The following KIF3C variants were observed in gnomAD, a reference collection of about 807,000 sequenced individuals.
KIF3C encodes kinesin family member 3C.
Under a neutral mutation model 67.7 loss-of-function variants are expected in KIF3C, and 12 were observed. The observed-to-expected ratio is 0.18, with a 90% confidence interval of 0.11 to 0.29. The LOEUF (loss-of-function observed/expected upper bound fraction) is 0.29, where lower values mean the gene tolerates loss of function less well. Ranked by LOEUF, KIF3C falls within the 10% of genes least tolerant of loss-of-function variation. KIF3C has a pLI of 1.00. For synonymous variants in KIF3C, 393 were observed against 426.2 expected (o/e 0.92, Z 0.96); for missense variants, 789 against 1,059.6 (o/e 0.74, Z 3.55).
In KIF3C at chr2:25,928,888, C is replaced by T. The variant is rs1428916802; in HGVS notation, c.*90G>A. On this transcript the variant is annotated 3_prime_UTR_variant, in exon 8 of 8. Transcript: ENST00000264712. Reference sequence around the variant, plus strand: ...ACACGCACACGCACATGCACGCACACGCACACGCACCAAGCGGCAGATGAG... The same window carrying T: ...ACACGCACACGCACATGCACGCACATGCACACGCACCAAGCGGCAGATGAG... 1.9e-5 allele frequency: 20 copies of T among 1,067,994 alleles called. No individual in the cohort carries two copies. The highest frequency in any genetic ancestry group is 5.8e-5 in the Admixed American group (3 of 51,480). 66.2% of individuals were successfully genotyped at this position (1,067,994 alleles called of 1,614,324 possible).
At chr2:25,949,420 CA>C (rs200179980) in intron 5 of KIF3C, among the ~76,000 whole-genome samples, 4 of 148,402 alleles carry the variant, frequency 2.7e-5, no homozygotes, top group East Asian at 2.0e-4. Flanking sequence ...CAAAAAATAC[CA>C]AAAAAAAAGA....
At chr2:25,931,015 G>A (rs2090454646) in intron 5 of KIF3C, among the ~76,000 whole-genome samples, 1 of 151,950 alleles carries the variant, frequency 6.6e-6, no homozygotes, top group Non-Finnish European at 1.5e-5. Flanking sequence ...TAATTGTTTT[G>A]TCTTATACAT....
At chr2:25,933,446 G>A (rs1014259207) in intron 5 of KIF3C, among the ~76,000 whole-genome samples, 1 of 152,014 alleles carries the variant, frequency 6.6e-6, no homozygotes, top group Admixed American at 6.6e-5. Context: ...TGAGGCATGT[G>A]GATCCCTTGA....
At chr2:25,951,982 T>G in intron 4 of KIF3C, 77 bp from the exon 5 acceptor site, 2 of 1,019,718 alleles carry the variant, frequency 2.0e-6, no homozygotes, top group Non-Finnish European at 3.1e-6. Flanking sequence ...GTTGAAGGAT[T>G]AGAAGCAACA....
At chr2:25,930,404 G>A (rs900441645) in intron 5 of KIF3C, among the ~76,000 whole-genome samples, 4 of 152,152 alleles carry the variant, frequency 2.6e-5, no homozygotes, top group African/African-American at 2.4e-5. Flanking sequence ...TGTCACCCAC[G>A]CTGCAGTGCA....
chr2:25,970,436 G>T (rs1664248778), intron 1 of KIF3C, among the ~76,000 whole-genome samples: 1 of 152,070 alleles, frequency 6.6e-6, no homozygotes, highest in African/African-American at 2.4e-5. Context: ...GGGAGGCCGA[G>T]GCAGGCGGAT....
chr2:25,945,253 T>C (rs949112177), intron 5 of KIF3C, among the ~76,000 whole-genome samples: 4 of 152,164 alleles, frequency 2.6e-5, no homozygotes, highest in Admixed American at 6.5e-5. Context: ...ATGGGCATAA[T>C]GAGTGTGTGT....
At chr2:25,963,543 G>A (rs928785239) in intron 1 of KIF3C, among the ~76,000 whole-genome samples, 5 of 151,380 alleles carry the variant, frequency 3.3e-5, no homozygotes, top group Non-Finnish European at 7.4e-5. Context: ...TTCAGAAGAG[G>A]ACAAAGGGTT....
rs750073570 is a variant in KIF3C at position 25,981,363 on chromosome 2, G to A, written c.555C>T (p.Thr185=). The stretch of plus-strand genomic sequence containing the variant: ...CATGCTCAATCTCCTTGACATTCTT[G>A]GTGACGAAGGAGGAGAGGTCCTTGA... The part of the protein sequence containing the change: ...VYIKDLSSFV[T]KNVKEIEHVM... The change falls in exon 1 of 8, where the codon ACC becomes ACT. Residue 185 remains threonine, a synonymous_variant. Transcript: ENST00000264712. The surrounding 1 kb of genome is among the most constrained non-coding windows in gnomAD (Gnocchi z 8.2). The A allele has an allele frequency of 2.5e-6, 4 of 1,614,180 alleles. No individual in the cohort carries two copies. Among genetic ancestry groups the A allele is most frequent in the East Asian group, 2.2e-5 (1 of 44,880 alleles).
intron 5 of KIF3C, among the ~76,000 whole-genome samples, chr2:25,948,604 A>AAGAAAG (rs992572217): frequency 7.3e-6 from 1 of 137,612 alleles, no homozygotes; most frequent in Non-Finnish European, 1.6e-5. Context: ...AAGAGAAAGA[A>AAGAAAG]AGAAAGAGAA....
Position 25,929,581 on chromosome 2 carries a change from G to C in KIF3C, c.2116-104C>G, listed in dbSNP as rs1281956481. 6.3e-6 allele frequency: 6 copies of C among 948,620 alleles called. No homozygotes were observed. The East Asian group carries it at 1.5e-4, about 23-fold the overall frequency. The allele number at this position is 948,620 out of a possible 1,614,324, so 58.8% of individuals were successfully genotyped here. A position where few individuals can be genotyped will look rare whatever the true frequency, so the allele number is the denominator to read the frequency against. On this transcript the variant is annotated intron_variant, in intron 6 of 7. Coordinates refer to ENST00000264712, the MANE Select transcript of KIF3C (RefSeq NM_002254.8). Reference sequence around the variant, plus strand: ...AGCAGGGCTGATGAGGTGGTTAGGGGAAGCAGAGGCTGTGAGCATCCCCTC... The same window carrying C: ...AGCAGGGCTGATGAGGTGGTTAGGGCAAGCAGAGGCTGTGAGCATCCCCTC...
intron 5 of KIF3C, among the ~76,000 whole-genome samples, chr2:25,936,340 C>T (rs1038638207): frequency 6.6e-5 from 10 of 152,052 alleles, no homozygotes; most frequent in Admixed American, 5.2e-4. Flanking sequence ...CATACCTGGC[C>T]AGTTTTAAGG....
rs1197828673 is a variant in KIF3C at position 25,951,778 on chromosome 2, TAG to T, written c.2006+9_2006+10del. On this transcript the variant is annotated intron_variant, in intron 5 of 7. Coordinates refer to ENST00000264712, the MANE Select transcript of KIF3C (RefSeq NM_002254.8). Reference sequence around the variant, plus strand: ...AGTCCCCCAGCCCAGACAGCTGGGTTAGAGACTCACACGCCGGCTGGCACCAG... The same window carrying T: ...AGTCCCCCAGCCCAGACAGCTGGGTTAGACTCACACGCCGGCTGGCACCAG... The T allele has an allele frequency of 3.1e-6, 5 of 1,596,136 alleles. No homozygotes were observed. The highest frequency in any genetic ancestry group is 2.6e-6 in the Non-Finnish European group (3 of 1,164,338).
At chr2:25,965,725 G>A (rs1664124753) in intron 1 of KIF3C, among the ~76,000 whole-genome samples, 1 of 151,742 alleles carries the variant, frequency 6.6e-6, no homozygotes, top group African/African-American at 2.4e-5. Context: ...ACCAAGCAGA[G>A]GACATGAGAA....
At chr2:25,978,544 C>T (rs1003471494) in intron 1 of KIF3C, among the ~76,000 whole-genome samples, 1 of 152,038 alleles carries the variant, frequency 6.6e-6, no homozygotes, top group Non-Finnish European at 1.5e-5. Context: ...GTGGGCTATG[C>T]CTCTGGTGCA....
Position 25,955,393 on chromosome 2 carries a change from C to T in KIF3C, c.1770+148G>A. Reference sequence around the variant, plus strand: ...CCCCAGCCCCCGCCTCCTGCCTCCCCCTGTTGCTCACCCCCGAGGCCAAGC... The same window carrying T: ...CCCCAGCCCCCGCCTCCTGCCTCCCTCTGTTGCTCACCCCCGAGGCCAAGC... On this transcript the variant is annotated intron_variant, in intron 3 of 7. Transcript: ENST00000264712. The surrounding 1 kb of genome is among the most constrained non-coding windows in gnomAD (Gnocchi z 5.0). 1 of 927,408 alleles carries T rather than the reference C, an allele frequency of 1.1e-6. No homozygotes were observed. Among genetic ancestry groups the T allele is most frequent in the Non-Finnish European group, 1.7e-6 (1 of 603,616 alleles). The allele number at this position is 927,408 out of a possible 1,614,324, so 57.4% of individuals were successfully genotyped here.
intron 5 of KIF3C, chr2:25,933,996 C>A (rs1476709664): frequency 6.1e-6 from 2 of 328,186 alleles, no homozygotes; most frequent in East Asian, 1.0e-4. Context: ...GTTGATAAAC[C>A]AAATGTGGTA....
In KIF3C at chr2:25,956,165, C is replaced by T. The variant is rs534311437; in HGVS notation, c.1647+178G>A. ...CCTCTCGCCCACCAGCTAGCAGTGC[C>T]CCTGCCAAAGGGAAGACCCTGGGCT... On this transcript the variant is annotated intron_variant, in intron 2 of 7. Coordinates refer to ENST00000264712, the MANE Select transcript of KIF3C (RefSeq NM_002254.8). Among the ~76,000 whole-genome samples, 3 of 152,274 alleles carry T rather than the reference C, an allele frequency of 2.0e-5. No homozygotes were observed. In the South Asian group the frequency reaches 6.2e-4, roughly 32 times the overall value.
chr2:25,936,935 G>A (rs1053990316), intron 5 of KIF3C, among the ~76,000 whole-genome samples: 1 of 152,172 alleles, frequency 6.6e-6, no homozygotes, highest in Non-Finnish European at 1.5e-5. Context: ...GGCAGACCTG[G>A]GTTTGAATGC....
Sources: allele counts gnomAD v4.1 joint callset (sites outside exome capture counted in the v4.1 genomes callset), GRCh38; gene constraint gnomAD v4.1.1; non-coding constraint Gnocchi (gnomAD v3.1); transcripts MANE v1.5; gene names NCBI Gene and HGNC (gene_info 2026-07-23, HGNC 2026-07-21).